The following CNOT2 variants were observed in gnomAD, a reference collection of about 807,000 sequenced individuals.
CNOT2 encodes the protein CCR4-NOT transcription complex subunit 2.
In CNOT2, 7 loss-of-function variants were observed where a neutral mutation model predicts 72.1. That is an observed-to-expected ratio of 0.10 (90% CI 0.06 to 0.18). The LOEUF (loss-of-function observed/expected upper bound fraction) is 0.18, where lower values mean the gene tolerates loss of function less well. Ranked by LOEUF, CNOT2 falls within the 10% of genes least tolerant of loss-of-function variation. The pLI is 1.00. For missense variants in CNOT2, 345 were observed against 660.3 expected, an observed-to-expected ratio of 0.52 and a Z score of 5.23; for synonymous variants, 196 against 225.6, an observed-to-expected ratio of 0.87 and a Z score of 1.17.
At chr12:70,280,054 G>T (rs191705467) in intron 2 of CNOT2, among the ~76,000 whole-genome samples, 3 of 152,162 alleles carry the variant, frequency 2.0e-5, no homozygotes, top group Admixed American at 2.0e-4. Flanking sequence ...TGTATAGAAT[G>T]TCTATATAAG....
chr12:70,301,433 G>T (rs944661890), intron 2 of CNOT2, among the ~76,000 whole-genome samples: 1 of 152,164 alleles, frequency 6.6e-6, no homozygotes, highest in African/African-American at 2.4e-5. Context: ...AGCATGAAGA[G>T]CTGTTGAATT....
In CNOT2 at chr12:70,295,378, A is replaced by G. The variant is rs181444310; in HGVS notation, c.49-15517A>G. ...TCCCTTTTTTTCTTGAGTTTTTTAG[A>G]TAACTGGACGCTCTATATAAACACA... On this transcript the variant is annotated intron_variant, in intron 2 of 15. Coordinates refer to ENST00000229195, the MANE Select transcript of CNOT2 (RefSeq NM_014515.7). Among the ~76,000 whole-genome samples the G allele has an allele frequency of 7.2e-5, 11 of 152,224 alleles. No homozygotes were observed. The East Asian group carries it at 2.1e-3, about 29-fold the overall frequency.
intron 7 of CNOT2, among the ~76,000 whole-genome samples, chr12:70,333,708 C>T (rs542689411): frequency 5.3e-4 from 80 of 151,998 alleles, no homozygotes; most frequent in Non-Finnish European, 1.0e-3. Context: ...AATGTATGCT[C>T]AGCAGCATAG....
At chr12:70,260,969 A>T (rs1490892377) in intron 1 of CNOT2, among the ~76,000 whole-genome samples, 1 of 151,922 alleles carries the variant, frequency 6.6e-6, no homozygotes, top group Non-Finnish European at 1.5e-5. Context: ...TAAGGAAAGC[A>T]TTCAGACTTT....
At chr12:70,256,469 T>C (rs1182490559) in intron 1 of CNOT2, among the ~76,000 whole-genome samples, 1 of 151,942 alleles carries the variant, frequency 6.6e-6, no homozygotes, top group Non-Finnish European at 1.5e-5. Context: ...GATTCTTGTA[T>C]ATTGATATGT....
intron 14 of CNOT2, chr12:70,344,511 C>T (rs1565835053): frequency 3.5e-6 from 1 of 287,966 alleles, no homozygotes; most frequent in South Asian, 7.1e-5. Flanking sequence ...TCACTTGAGG[C>T]CAGAAGTTAG....
At chr12:70,312,294 G>A (rs941959450) in intron 3 of CNOT2, among the ~76,000 whole-genome samples, 6 of 151,816 alleles carry the variant, frequency 4.0e-5, no homozygotes, top group Non-Finnish European at 7.4e-5. Flanking sequence ...TGGTAGTATC[G>A]CCGCAGAAAC....
chr12:70,291,125 T>G (rs1257738701), intron 2 of CNOT2, among the ~76,000 whole-genome samples: 1 of 152,172 alleles, frequency 6.6e-6, no homozygotes, highest in Non-Finnish European at 1.5e-5. Flanking sequence ...CTGATTCCCT[T>G]AAGATTCCCT....
At chr12:70,277,424 T>C (rs1348138158) in intron 1 of CNOT2, among the ~76,000 whole-genome samples, 1 of 152,242 alleles carries the variant, frequency 6.6e-6, no homozygotes, top group African/African-American at 2.4e-5. Context: ...GACTTATTTA[T>C]ATCTCTGCAG....
At chr12:70,303,459 T>G (rs1467710175) in intron 2 of CNOT2, among the ~76,000 whole-genome samples, 2 of 152,186 alleles carry the variant, frequency 1.3e-5, no homozygotes, top group African/African-American at 4.8e-5. Context: ...AGTATTTTAT[T>G]TCTCCTTCAC....
At chr12:70,351,765 A>C (rs1382332452) in intron 15 of CNOT2, among the ~76,000 whole-genome samples, 1 of 152,212 alleles carries the variant, frequency 6.6e-6, no homozygotes, top group Non-Finnish European at 1.5e-5. Context: ...AAGAATGATA[A>C]CAAATTTTCT....
intron 2 of CNOT2, among the ~76,000 whole-genome samples, chr12:70,280,720 A>G (rs1014417428): frequency 6.6e-5 from 10 of 152,330 alleles, no homozygotes; most frequent in Middle Eastern, 3.4e-3. Context: ...CCTTGGCTCT[A>G]TACTAAAGAT....
chr12:70,254,314 G>A (rs1274917683), intron 1 of CNOT2, among the ~76,000 whole-genome samples: 1 of 151,830 alleles, frequency 6.6e-6, no homozygotes, highest in East Asian at 1.9e-4. Flanking sequence ...AACACCTCTT[G>A]TACTGTACTT....
chr12:70,275,426 A>G (rs1407032197), intron 1 of CNOT2, among the ~76,000 whole-genome samples: 1 of 152,046 alleles, frequency 6.6e-6, no homozygotes, highest in Non-Finnish European at 1.5e-5. Flanking sequence ...ATTTAGTTCC[A>G]GTTTCCCCTC....
chr12:70,247,471 TGTGTATG>T (rs1957934464), intron 1 of CNOT2, among the ~76,000 whole-genome samples: 4 of 152,194 alleles, frequency 2.6e-5, no homozygotes, highest in Non-Finnish European at 5.9e-5. Flanking sequence ...TTTTTATTCA[TGTGTATG>T]TTATTGCATG....
chr12:70,301,625 T>C (rs897320890), intron 2 of CNOT2: 2 of 152,312 alleles, frequency 1.3e-5, no homozygotes, highest in African/African-American at 4.8e-5. Context: ...TCGGTTTGCC[T>C]GTATTTTATT....
At chr12:70,293,157 A>T (rs1052343761) in intron 2 of CNOT2, among the ~76,000 whole-genome samples, 9 of 144,232 alleles carry the variant, frequency 6.2e-5, no homozygotes, top group Admixed American at 3.0e-4. Flanking sequence ...AATTGATTTC[A>T]TATCTTTTTT....
intron 2 of CNOT2, among the ~76,000 whole-genome samples, chr12:70,288,718 G>T (rs936595632): frequency 8.5e-5 from 13 of 152,158 alleles, no homozygotes; most frequent in African/African-American, 3.1e-4. Context: ...GTATTTTATG[G>T]AGTGATTTTA....
At position 70,346,276 on chromosome 12, in the gene CNOT2, G is replaced by A. The variant is rs894291663; in HGVS notation, c.1488G>A (p.Arg496=). 3 of 1,611,934 alleles carry A rather than the reference G, an allele frequency of 1.9e-6. No individual in the cohort carries two copies. Among genetic ancestry groups the A allele is most frequent in the Non-Finnish European group, 2.5e-6 (3 of 1,178,204 alleles). The part of the protein sequence containing the change: ...EPTMKTNTYE[R]GTYYFFDCLN... ...CAATGAAAACCAATACCTATGAGAGGGGAACATATTACTTCTTTGACTGTC... is the reference window on the plus strand; with the variant it reads ...CAATGAAAACCAATACCTATGAGAGAGGAACATATTACTTCTTTGACTGTC... The change falls in exon 15 of 16, where the codon AGG becomes AGA. Residue 496 remains arginine, a synonymous_variant. Coordinates refer to ENST00000229195, the MANE Select transcript of CNOT2 (RefSeq NM_014515.7).
Sources: gnomAD v4.1 joint callset for allele counts (sites outside exome capture counted in the v4.1 genomes callset) on GRCh38, gnomAD v4.1.1 for gene constraint, MANE v1.5 for transcripts, NCBI Gene and HGNC (gene_info 2026-07-23, HGNC 2026-07-21) for gene names.